The following FRMPD1 variants were observed in gnomAD, a reference collection of about 807,000 sequenced individuals.
FRMPD1 encodes the protein FERM and PDZ domain-containing protein 1.
FRMPD1 carries 76 observed loss-of-function variants against 117.8 expected under a neutral mutation model. That is an observed-to-expected ratio of 0.65 (90% CI 0.54 to 0.78). The LOEUF is 0.78. FRMPD1 is among the 30% of genes least tolerant of loss of function. The pLI is 0.00. For synonymous variants in FRMPD1, 783 were observed against 770.4 expected (o/e 1.02, Z -0.27); for missense variants, 1,786 against 1,964.5 (o/e 0.91, Z 1.72).
intron 12 of FRMPD1, among the ~76,000 whole-genome samples, chr9:37,734,986 C>A (rs1425016159): frequency 6.6e-6 from 1 of 152,196 alleles, no homozygotes; most frequent in Non-Finnish European, 1.5e-5. Flanking sequence ...GGAACAGGTT[C>A]AGGGTGCTTG....
chr9:37,686,232 C>T (rs2117977927), intron 1 of FRMPD1, among the ~76,000 whole-genome samples: 1 of 152,252 alleles, frequency 6.6e-6, no homozygotes, highest in Non-Finnish European at 1.5e-5. Context: ...ATGTTTGAAT[C>T]CAGAAAAGAA....
the FRMPD1 span, among the ~76,000 whole-genome samples, chr9:37,613,277 T>C: frequency 6.6e-6 from 1 of 152,210 alleles, no homozygotes; most frequent in Non-Finnish European, 1.5e-5. Context: ...CTACTATGTA[T>C]GTGACAGGCA....
intron 2 of FRMPD1, among the ~76,000 whole-genome samples, chr9:37,697,121 G>T (rs544741022): frequency 4.6e-5 from 7 of 152,274 alleles, no homozygotes; most frequent in African/African-American, 1.7e-4. Context: ...ACAATCATTA[G>T]TCAAATTCAG....
In FRMPD1 at chr9:37,736,586, A is replaced by G. The variant is rs535997177; in HGVS notation, c.1402-510A>G. On this transcript the variant is annotated intron_variant, in intron 13 of 15. Transcript: ENST00000377765. ...CAGGGTACCTCCTGAGCCTCTCTCA[A>G]AGGTCTTACTTTTATTCTGCCCTCC... is the stretch of plus-strand genomic sequence containing the variant. Among the ~76,000 whole-genome samples, 518 of 151,628 alleles carry G rather than the reference A, an allele frequency of 3.4e-3. 1 individual carries two copies. Among genetic ancestry groups the G allele is most frequent in the African/African-American group, 0.012 (484 of 41,324 alleles).
At chr9:37,737,970 C>T (rs544664367) in intron 14 of FRMPD1, among the ~76,000 whole-genome samples, 3 of 152,294 alleles carry the variant, frequency 2.0e-5, no homozygotes, top group African/African-American at 7.2e-5. Flanking sequence ...AACTTCTCTG[C>T]AAGGCAGGTA....
At chr9:37,710,990 A>G (rs573252699) in intron 4 of FRMPD1, among the ~76,000 whole-genome samples, 1 of 151,788 alleles carries the variant, frequency 6.6e-6, no homozygotes, top group African/African-American at 2.4e-5. Context: ...ATTGGGGGAC[A>G]TAAATCTAGC....
intron 1 of FRMPD1, among the ~76,000 whole-genome samples, chr9:37,653,790 A>C (rs1360971679): frequency 1.3e-5 from 2 of 152,126 alleles, no homozygotes; most frequent in African/African-American, 4.8e-5. Context: ...CCCCATCTCT[A>C]CAAAAAATTT....
chr9:37,637,330 G>T, the FRMPD1 span: 3 of 984,550 alleles, frequency 3.0e-6, no homozygotes, highest in Admixed American at 3.5e-5. Flanking sequence ...CTCCCAGTCG[G>T]CTCTGCTCCG....
Position 37,732,429 on chromosome 9 carries a change from A to T in FRMPD1, c.984A>T (p.Leu328Phe), listed in dbSNP as rs779840113. The change falls in exon 10 of 16, where the codon TTA becomes TTT. Residue 328 changes from leucine to phenylalanine, a missense_variant. Transcript: ENST00000377765. Reference protein sequence around the residue: ...YACAQPQKISLKYIEKDWGIE... With the variant: ...YACAQPQKISFKYIEKDWGIE... ...GTGCCCAGCCACAGAAGATCTCTTTAAAGTATATAGAGTGAGTGGCAGGGG... is the reference window on the plus strand; with the variant it reads ...GTGCCCAGCCACAGAAGATCTCTTTTAAGTATATAGAGTGAGTGGCAGGGG... The T allele has an allele frequency of 6.2e-7, 1 of 1,612,836 alleles. No homozygotes were observed.
intron 6 of FRMPD1, 77 bp downstream of exon 6, chr9:37,719,253 A>C: frequency 1.1e-6 from 1 of 879,928 alleles, no homozygotes. Context: ...GAACCTCTGG[A>C]ATTCCACAGC....
intron 14 of FRMPD1, among the ~76,000 whole-genome samples, chr9:37,738,167 C>T (rs774775823): frequency 2.2e-4 from 33 of 152,136 alleles, no homozygotes; most frequent in Non-Finnish European, 3.8e-4. Flanking sequence ...CAGGCTACCA[C>T]GATATGATGA....
At chr9:37,631,030 T>C in the FRMPD1 span, among the ~76,000 whole-genome samples, 1 of 152,004 alleles carries the variant, frequency 6.6e-6, no homozygotes, top group South Asian at 2.1e-4. Context: ...GTCATAGAGG[T>C]AAATAGGAAG....
the FRMPD1 span, among the ~76,000 whole-genome samples, chr9:37,641,928 A>T: frequency 6.6e-6 from 1 of 152,242 alleles, no homozygotes; most frequent in Admixed American, 6.5e-5. Context: ...TTGGAAAAAC[A>T]CTGATATAGT....
At chr9:37,633,147 C>A in the FRMPD1 span, among the ~76,000 whole-genome samples, 1 of 151,934 alleles carries the variant, frequency 6.6e-6, no homozygotes, top group African/African-American at 2.4e-5. Context: ...TCAAGCGATT[C>A]TCCTGCCTCA....
At chr9:37,638,573 A>AG in the FRMPD1 span, among the ~76,000 whole-genome samples, 1 of 152,130 alleles carries the variant, frequency 6.6e-6, no homozygotes, top group African/African-American at 2.4e-5. Flanking sequence ...CATCCCAGAG[A>AG]GGGGGGTCTT....
the FRMPD1 span, chr9:37,637,150 T>C: frequency 1.7e-4 from 268 of 1,609,726 alleles, 1 homozygote; most frequent in African/African-American, 3.2e-3. Context: ...GCTCGATGGT[T>C]TGGATCTTGA....
chr9:37,740,920 G>A lies in FRMPD1; in HGVS notation c.2356+36G>A, dbSNP rs1279159488. On this transcript the variant is annotated intron_variant, in intron 15 of 15. Coordinates refer to ENST00000377765, the MANE Select transcript of FRMPD1 (RefSeq NM_014907.3). This position sits in a 1 kb window ranked among gnomAD's most constrained non-coding sequence, Gnocchi z 4.2. ...CCTTGCAGGTCTGCAGACACGGCAG[G>A]CAGCTCCTGAGTGCCTCCCGGGGAT... 4 of 1,543,894 alleles carry A rather than the reference G, an allele frequency of 2.6e-6. No homozygotes were observed. The East Asian group carries it at 9.0e-5, about 35-fold the overall frequency.
intron 6 of FRMPD1, among the ~76,000 whole-genome samples, chr9:37,720,858 G>C (rs1275324896): frequency 1.3e-5 from 2 of 152,266 alleles, no homozygotes; most frequent in Admixed American, 1.3e-4. Context: ...CTGCGCTTCA[G>C]CCTGGCGACA....
chr9:37,607,447 A>T, the FRMPD1 span, among the ~76,000 whole-genome samples: 3 of 151,588 alleles, frequency 2.0e-5, no homozygotes, highest in Non-Finnish European at 4.4e-5. Context: ...AGGAAAAAAA[A>T]CAAGGATTAG....
Sources: gnomAD v4.1 joint callset for allele counts (sites outside exome capture counted in the v4.1 genomes callset) on GRCh38, gnomAD v4.1.1 for gene constraint, Gnocchi (gnomAD v3.1) non-coding constraint, MANE v1.5 for transcripts, NCBI Gene and HGNC (gene_info 2026-07-23, HGNC 2026-07-21) for gene names.